The following KAZN variants were observed in gnomAD, a reference collection of about 807,000 sequenced individuals.
KAZN encodes kazrin.
In KAZN, 40 loss-of-function variants were observed where a neutral mutation model predicts 87.4. That is an observed-to-expected ratio of 0.46 (90% CI 0.36 to 0.60). The LOEUF (loss-of-function observed/expected upper bound fraction) is 0.60, where lower values mean the gene tolerates loss of function less well. Among genes scored for constraint, KAZN ranks in the 20% least tolerant of loss-of-function variants. The probability of loss-of-function intolerance (pLI) is 0.00; values close to 1 mark genes in which losing one functional copy is unlikely to be tolerated. For missense variants in KAZN, 898 were observed against 1,073.9 expected, an observed-to-expected ratio of 0.84 and a Z score of 2.29; for synonymous variants, 466 against 458.3, an observed-to-expected ratio of 1.02 and a Z score of -0.22.
intron 2 of KAZN, among the ~76,000 whole-genome samples, chr1:14,274,697 C>T (rs1652210591): frequency 6.6e-6 from 1 of 152,160 alleles, no homozygotes; most frequent in Non-Finnish European, 1.5e-5. Context: ...AGCTCTGCCA[C>T]ATATTAGCTG....
At chr1:14,306,613 C>A (rs1654948153) in intron 2 of KAZN, among the ~76,000 whole-genome samples, 1 of 152,226 alleles carries the variant, frequency 6.6e-6, no homozygotes, top group Admixed American at 6.5e-5. Flanking sequence ...TCTTGAAAGG[C>A]AATACCTTCT....
chr1:14,389,403 C>T (rs368982450), intron 2 of KAZN, among the ~76,000 whole-genome samples: 28 of 152,224 alleles, frequency 1.8e-4, no homozygotes, highest in South Asian at 4.1e-4. Flanking sequence ...ATCTGCACTC[C>T]GGTGTTTGTT....
At position 14,735,349 on chromosome 1, in the gene KAZN, C is replaced by A. The variant is rs982126320; in HGVS notation, c.226+136126C>A. On this transcript the variant is annotated intron_variant, in intron 1 of 14. Transcript: ENST00000376030. This position sits in a 1 kb window ranked among gnomAD's most constrained non-coding sequence, Gnocchi z 4.3. ...TGCTGGGATTACAGGCGTGAGCCAC[C>A]GCGCCCGGCCCGTGCTGTTGTTTTC... is the stretch of plus-strand genomic sequence containing the variant. 1.3e-5 allele frequency among the ~76,000 whole-genome samples: 2 copies of A among 152,212 alleles called. No individual in the cohort carries two copies. The highest frequency in any genetic ancestry group is 6.5e-5 in the Admixed American group (1 of 15,284).
chr1:14,686,812 C>T (rs1443260345), intron 1 of KAZN, among the ~76,000 whole-genome samples: 1 of 152,214 alleles, frequency 6.6e-6, no homozygotes, highest in Admixed American at 6.5e-5. Flanking sequence ...TGGCCCAAGG[C>T]TTCCATTTCA....
intron 2 of KAZN, among the ~76,000 whole-genome samples, chr1:14,323,591 T>C (rs1377597868): frequency 6.6e-6 from 1 of 152,096 alleles, no homozygotes; most frequent in Admixed American, 6.6e-5. Context: ...CAAGATAAAA[T>C]CTTCCTATTT....
At chr1:14,147,565 G>C (rs376081811) in intron 1 of KAZN, among the ~76,000 whole-genome samples, 1 of 152,276 alleles carries the variant, frequency 6.6e-6, no homozygotes, top group African/African-American at 2.4e-5. Context: ...AGGCCAAGGC[G>C]AGTGGATTAC....
intron 2 of KAZN, among the ~76,000 whole-genome samples, chr1:14,418,030 A>C (rs1489203314): frequency 8.7e-5 from 12 of 138,106 alleles, no homozygotes; most frequent in Admixed American, 5.1e-4. Context: ...AAAAAAAAAA[A>C]AAAAAAAAAA....
intron 2 of KAZN, among the ~76,000 whole-genome samples, chr1:14,382,392 T>C (rs1396910367): frequency 1.3e-5 from 2 of 151,004 alleles, no homozygotes; most frequent in African/African-American, 4.9e-5. Flanking sequence ...TATGTATACA[T>C]GTACCATGCT....
At chr1:14,039,630 A>G (rs997830211) in intron 1 of KAZN, among the ~76,000 whole-genome samples, 2 of 152,250 alleles carry the variant, frequency 1.3e-5, no homozygotes, top group South Asian at 4.1e-4. Flanking sequence ...TTTACACAGT[A>G]TAGTTTAGCA....
At chr1:14,868,060 A>AGCATCGCATACACAG (rs146600193) in intron 1 of KAZN, among the ~76,000 whole-genome samples, 23 of 151,406 alleles carry the variant, frequency 1.5e-4, no homozygotes, top group African/African-American at 4.1e-4. Context: ...ACATACGCAC[A>AGCATCGCATACACAG]GCATTGCATA....
At chr1:14,109,815 A>ATTTTTT (rs1553129363) in intron 1 of KAZN, among the ~76,000 whole-genome samples, 2 of 80,026 alleles carry the variant, frequency 2.5e-5, no homozygotes, top group Admixed American at 1.2e-4. Context: ...TATCAAAACG[A>ATTTTTT]TTTCAGCGTC....
intron 1 of KAZN, among the ~76,000 whole-genome samples, chr1:14,639,835 C>G (rs1680286897): frequency 6.6e-6 from 1 of 152,114 alleles, no homozygotes; most frequent in African/African-American, 2.4e-5. Context: ...CTGTGGCCAC[C>G]AGCTGCTGCC....
chr1:13,893,533 C>T (rs1638915963), exon 1 of KAZN: 3 of 1,391,338 alleles, frequency 2.2e-6, no homozygotes, highest in African/African-American at 1.5e-5. Flanking sequence ...ACTTTGGGGG[C>T]GGGGACATTT....
chr1:15,110,999 G>A (rs906103721), intron 13 of KAZN, among the ~76,000 whole-genome samples: 3 of 152,170 alleles, frequency 2.0e-5, no homozygotes, highest in Non-Finnish European at 2.9e-5. Flanking sequence ...AATTACAGCT[G>A]CTTCCCCACT....
chr1:15,060,089 G>T (rs926694055), intron 5 of KAZN, 83 bp from the exon 6 acceptor site: 3 of 1,556,100 alleles, frequency 1.9e-6, no homozygotes, highest in African/African-American at 1.4e-5. Flanking sequence ...TAGAACGGGG[G>T]TGTTGGGTGG....
intron 2 of KAZN, among the ~76,000 whole-genome samples, chr1:14,257,254 T>C (rs1650591318): frequency 6.6e-6 from 1 of 151,846 alleles, no homozygotes; most frequent in African/African-American, 2.4e-5. Context: ...GTTTTTTGGC[T>C]GCATAAATGT....
chr1:14,134,600 G>A (rs1025852236), intron 1 of KAZN, among the ~76,000 whole-genome samples: 3 of 152,158 alleles, frequency 2.0e-5, no homozygotes. Context: ...GGTAGCAGTA[G>A]AAATCTGTGT....
chr1:14,801,832 C>T (rs1034071947), intron 1 of KAZN, among the ~76,000 whole-genome samples: 5 of 150,462 alleles, frequency 3.3e-5, no homozygotes, highest in Non-Finnish European at 5.9e-5. Context: ...TACAGGCACC[C>T]GCCATCACGC....
At chr1:14,363,803 C>A (rs1034408555) in intron 2 of KAZN, among the ~76,000 whole-genome samples, 1 of 152,146 alleles carries the variant, frequency 6.6e-6, no homozygotes, top group Non-Finnish European at 1.5e-5. Context: ...AAGTTTGTTA[C>A]CCCCTGCTCT....
Sources: gnomAD v4.1 joint callset for allele counts (sites outside exome capture counted in the v4.1 genomes callset) on GRCh38, gnomAD v4.1.1 for gene constraint, Gnocchi (gnomAD v3.1) non-coding constraint, MANE v1.5 for transcripts, NCBI Gene and HGNC (gene_info 2026-07-23, HGNC 2026-07-21) for gene names.